The following ME1 variants were observed in gnomAD, a reference collection of about 807,000 sequenced individuals.
The protein encoded by ME1 is malic enzyme 1.
ME1 carries 74 observed loss-of-function variants against 66.4 expected under a neutral mutation model. The observed-to-expected ratio is 1.11, with a 90% confidence interval of 0.92 to 1.35. The LOEUF (loss-of-function observed/expected upper bound fraction) is 1.35, where lower values mean the gene tolerates loss of function less well. ME1 is among the 40% of genes most tolerant of loss of function. The pLI is 0.00. For missense variants in ME1, 750 were observed against 694.1 expected (o/e 1.08, Z -0.90); for synonymous variants, 251 against 235.6 (o/e 1.07, Z -0.60).
chr6:83,430,812 T>C, intron 1 of ME1, 65 bp downstream of exon 1: 2 of 1,412,722 alleles, frequency 1.4e-6, no homozygotes, highest in Non-Finnish European at 2.0e-6. Context: ...TGCGGGGACC[T>C]GCAAGAGGGC....
At chr6:83,381,054 CAG>C (rs1156783147) in intron 3 of ME1, among the ~76,000 whole-genome samples, 4 of 152,026 alleles carry the variant, frequency 2.6e-5, no homozygotes, top group South Asian at 2.1e-4. Context: ...GATAAGGCTG[CAG>C]AGTGTTTACA....
At position 83,352,074 on chromosome 6, in the gene ME1, T is replaced by A. The variant is rs1281672458; in HGVS notation, c.428A>T (p.Asp143Val). The A allele has an allele frequency of 2.5e-6, 4 of 1,599,438 alleles. No homozygotes were observed. The highest frequency in any genetic ancestry group is 2.7e-5 in the African/African-American group (2 of 73,682). Reference protein sequence around the residue: ...IASVLNAWPEDVIKAIVVTDG... With the variant: ...IASVLNAWPEVVIKAIVVTDG... ...AACATGATAACTTACCTTGATGACA[T>A]CTTCTGGCCATGCATTGAGAACTGA... The change falls in exon 4 of 14, where the codon GAT becomes GTT. Residue 143 changes from aspartate (D) to valine (V), a missense_variant. Coordinates refer to ENST00000369705, the MANE Select transcript of ME1 (RefSeq NM_002395.6).
chr6:83,346,042 C>A (rs1768677852), intron 5 of ME1, 131 bp downstream of exon 5: 6 of 645,360 alleles, frequency 9.3e-6, no homozygotes, highest in East Asian at 5.9e-5. Context: ...CAGTAAAGGG[C>A]AGATTTGGAG....
At chr6:83,295,972 A>C (rs904251564) in intron 6 of ME1, among the ~76,000 whole-genome samples, 7 of 152,224 alleles carry the variant, frequency 4.6e-5, no homozygotes, top group African/African-American at 1.7e-4. Context: ...AATCAGGAAG[A>C]AACTGAACCC....
At chr6:83,412,162 C>T (rs1210685023) in intron 1 of ME1, among the ~76,000 whole-genome samples, 7 of 152,104 alleles carry the variant, frequency 4.6e-5, no homozygotes, top group South Asian at 4.1e-4. Flanking sequence ...ATTCTGTATT[C>T]CGCACTAACA....
At chr6:83,427,387 C>A (rs1208133403) in intron 1 of ME1, among the ~76,000 whole-genome samples, 1 of 152,112 alleles carries the variant, frequency 6.6e-6, no homozygotes. Flanking sequence ...AGATGAAGCA[C>A]CTCCCTTAGG....
At chr6:83,389,598 T>C (rs1261503554) in intron 3 of ME1, among the ~76,000 whole-genome samples, 5 of 152,058 alleles carry the variant, frequency 3.3e-5, no homozygotes, top group Admixed American at 3.3e-4. Flanking sequence ...GGGAGATAAA[T>C]CTTAGAAAAT....
intron 3 of ME1, among the ~76,000 whole-genome samples, chr6:83,384,422 CTGATGT>C (rs1769471174): frequency 6.6e-6 from 1 of 151,506 alleles, no homozygotes; most frequent in Non-Finnish European, 1.5e-5. Context: ...CTGATGATTA[CTGATGT>C]TGAACAGTTT....
intron 6 of ME1, among the ~76,000 whole-genome samples, chr6:83,262,658 T>G (rs1766920259): frequency 6.6e-6 from 1 of 152,172 alleles, no homozygotes; most frequent in Admixed American, 6.5e-5. Flanking sequence ...AGTCATAAAA[T>G]TTTAGATCTA....
chr6:83,415,296 C>G lies in ME1; in HGVS notation c.79-7395G>C, dbSNP rs370131228. ...ACCAATTAATTTACACACGAAGTTG[C>G]AAATGTCTGTTTCTTCCTGTGTCCT... On this transcript the variant is annotated intron_variant, in intron 1 of 13. Coordinates refer to ENST00000369705, the MANE Select transcript of ME1 (RefSeq NM_002395.6). 3.3e-5 allele frequency among the ~76,000 whole-genome samples: 5 copies of G among 152,160 alleles called. No individual in the cohort carries two copies. The East Asian group carries it at 5.8e-4, about 18-fold the overall frequency.
intron 3 of ME1, among the ~76,000 whole-genome samples, chr6:83,388,118 C>G (rs1769549675): frequency 8.3e-6 from 1 of 120,774 alleles, no homozygotes; most frequent in African/African-American, 3.1e-5. Flanking sequence ...GGATCTCACT[C>G]TGTCCCACAG....
chr6:83,420,402 A>T (rs1034077902), intron 1 of ME1, among the ~76,000 whole-genome samples: 1 of 152,212 alleles, frequency 6.6e-6, no homozygotes, highest in African/African-American at 2.4e-5. Flanking sequence ...ATACTCAGTT[A>T]GGACCATGAA....
Position 83,210,982 on chromosome 6 carries a change from G to C in ME1, c.*942C>G, listed in dbSNP as rs2128521783. 6.6e-6 allele frequency: 1 copy of C among 152,282 alleles called. No homozygotes were observed. Among genetic ancestry groups the C allele is most frequent in the Middle Eastern group, 3.4e-3 (1 of 294 alleles). The allele number at this position is 152,282 out of a possible 1,614,324, so 9.4% of individuals were successfully genotyped here. A position where few individuals can be genotyped will look rare whatever the true frequency, so the allele number is the denominator to read the frequency against. The stretch of plus-strand genomic sequence containing the variant: ...TAACACAGTTAGCTCTTCATTACCT[G>C]AGTTAATTAAGAGGCCATTCTGGCA... On this transcript the variant is annotated 3_prime_UTR_variant, in exon 14 of 14. Transcript: ENST00000369705.
chr6:83,422,691 A>G (rs1371779726), intron 1 of ME1, among the ~76,000 whole-genome samples: 1 of 152,176 alleles, frequency 6.6e-6, no homozygotes, highest in Non-Finnish European at 1.5e-5. Flanking sequence ...TACAATAATT[A>G]TAATAAAATA....
intron 3 of ME1, among the ~76,000 whole-genome samples, chr6:83,353,176 G>A (rs1768831851): frequency 6.6e-6 from 1 of 152,090 alleles, no homozygotes; most frequent in Non-Finnish European, 1.5e-5. Context: ...TGGAAAATTG[G>A]TAATTGAAAA....
intron 5 of ME1, among the ~76,000 whole-genome samples, chr6:83,339,979 AAAG>A (rs1272953649): frequency 5.0e-5 from 7 of 141,028 alleles, no homozygotes; most frequent in South Asian, 2.2e-4. Flanking sequence ...ATAAAAAAAA[AAAG>A]AAAAGAAAAG....
intron 6 of ME1, among the ~76,000 whole-genome samples, chr6:83,263,068 TAA>T (rs1766926514): frequency 6.6e-6 from 1 of 152,230 alleles, no homozygotes; most frequent in South Asian, 2.1e-4. Context: ...CACATTTTGG[TAA>T]TGCTCCCAAT....
chr6:83,366,160 A>C (rs951482738), intron 3 of ME1, among the ~76,000 whole-genome samples: 1 of 152,162 alleles, frequency 6.6e-6, no homozygotes, highest in African/African-American at 2.4e-5. Context: ...TTGATCAACT[A>C]AGCCTGAGAA....
chr6:83,269,766 C>T (rs935125162), intron 6 of ME1, among the ~76,000 whole-genome samples: 1 of 152,132 alleles, frequency 6.6e-6, no homozygotes, highest in Non-Finnish European at 1.5e-5. Flanking sequence ...AGGATTAAGT[C>T]TTCCAAAATG....
Sources: gnomAD v4.1 joint callset for allele counts (sites outside exome capture counted in the v4.1 genomes callset) on GRCh38, gnomAD v4.1.1 for gene constraint, MANE v1.5 for transcripts, NCBI Gene and HGNC (gene_info 2026-07-23, HGNC 2026-07-21) for gene names.